CPVL: variants seen among roughly 807,000 people sequenced by gnomAD.
CPVL encodes the protein carboxypeptidase vitellogenic like.
CPVL carries 51 observed loss-of-function variants against 63.7 expected under a neutral mutation model. That is an observed-to-expected ratio of 0.80 (90% CI 0.64 to 1.01). CPVL has a LOEUF of 1.01. CPVL is among the 50% of genes least tolerant of loss of function. The pLI is 0.00. For missense variants in CPVL, 530 were observed against 573.1 expected, an observed-to-expected ratio of 0.92 and a Z score of 0.77; for synonymous variants, 195 against 206.0, an observed-to-expected ratio of 0.95 and a Z score of 0.46.
chr7:29,151,742 G>A (rs1207484468), intron 5 of CPVL, among the ~76,000 whole-genome samples: 1 of 152,198 alleles, frequency 6.6e-6, no homozygotes, highest in African/African-American at 2.4e-5. Context: ...CTCATTAGCT[G>A]TGTGACCTTT....
chr7:29,096,970 G>GTCT (rs1235285585), intron 3 of CPVL, among the ~76,000 whole-genome samples: 5 of 128,478 alleles, frequency 3.9e-5, no homozygotes, highest in Non-Finnish European at 6.2e-5. Flanking sequence ...GGGTGACAGA[G>GTCT]CGAGACTCTG....
intron 6 of CPVL, among the ~76,000 whole-genome samples, chr7:29,092,346 A>G (rs1163912721): frequency 6.6e-6 from 1 of 152,200 alleles, no homozygotes. Context: ...ACAAACAAAT[A>G]TCTGAAAAGA....
chr7:29,146,632 C>G, upstream of CPVL: 1 of 1,550,590 alleles, frequency 6.4e-7, no homozygotes, highest in South Asian at 1.2e-5. Flanking sequence ...TCCCAACCTC[C>G]TGGTCCCAGA....
intron 11 of CPVL, among the ~76,000 whole-genome samples, chr7:29,038,277 G>C (rs1405296968): frequency 6.6e-6 from 1 of 152,136 alleles, no homozygotes; most frequent in East Asian, 1.9e-4. Context: ...TAAGAGCAGA[G>C]CCCTCATGAA....
intron 1 of CPVL, among the ~76,000 whole-genome samples, chr7:29,131,715 G>A (rs929125918): frequency 3.9e-5 from 6 of 152,170 alleles, no homozygotes; most frequent in Admixed American, 3.9e-4. Flanking sequence ...ATTTTGCCAT[G>A]TTGGCCAGGC....
intron 12 of CPVL, among the ~76,000 whole-genome samples, chr7:29,024,526 G>A (rs1222659147): frequency 2.0e-5 from 3 of 152,178 alleles, no homozygotes; most frequent in Non-Finnish European, 4.4e-5. Flanking sequence ...ATCCAAAAAT[G>A]TCTTCTCCAG....
intron 3 of CPVL, chr7:29,185,418 G>A (rs367850864): frequency 2.6e-5 from 4 of 152,152 alleles, no homozygotes; most frequent in Non-Finnish European, 5.9e-5. Context: ...CATGATGTCT[G>A]TGGTTACACG....
At chr7:29,088,052 G>A (rs963132818) in intron 6 of CPVL, among the ~76,000 whole-genome samples, 2 of 152,114 alleles carry the variant, frequency 1.3e-5, no homozygotes, top group African/African-American at 4.8e-5. Context: ...CCTGCTTGTT[G>A]GAATGGCAGG....
At chr7:29,074,067 T>C (rs1449761663) in intron 7 of CPVL, among the ~76,000 whole-genome samples, 1 of 152,138 alleles carries the variant, frequency 6.6e-6, no homozygotes, top group Non-Finnish European at 1.5e-5. Context: ...CTGAAGATAA[T>C]CATTACTCCC....
intron 5 of CPVL, among the ~76,000 whole-genome samples, chr7:29,093,526 C>T (rs1315121837): frequency 2.6e-5 from 4 of 151,998 alleles, no homozygotes. Flanking sequence ...ATTTCATCTT[C>T]AGTAGGTAAG....
intron 1 of CPVL, chr7:29,194,990 G>A (rs1228903055): frequency 1.3e-6 from 2 of 1,586,462 alleles, no homozygotes; most frequent in Non-Finnish European, 1.7e-6. Context: ...GGTGTCCTCC[G>A]GTGAGTTTCA....
chr7:29,145,481 G>T (rs1792433071), intron 1 of CPVL, among the ~76,000 whole-genome samples: 1 of 150,324 alleles, frequency 6.7e-6, no homozygotes, highest in Non-Finnish European at 1.5e-5. Flanking sequence ...TGGGGTTGCA[G>T]TGAAGGTGGG....
intron 10 of CPVL, among the ~76,000 whole-genome samples, chr7:29,064,929 TA>T (rs200056425): frequency 2.4e-5 from 1 of 42,026 alleles, no homozygotes; most frequent in African/African-American, 8.8e-5. Flanking sequence ...AATTAAAAAA[TA>T]AAAAAAACCG....
intron 3 of CPVL, 65 bp from the exon 4 acceptor site, chr7:29,096,282 A>C: frequency 7.6e-7 from 1 of 1,307,948 alleles, no homozygotes; most frequent in South Asian, 1.2e-5. Flanking sequence ...AACACACACA[A>C]GCAAACTTAC....
rs779929901 is a variant in CPVL at position 29,095,075 on chromosome 7, C to T, written c.462+9G>A. The T allele has an allele frequency of 8.1e-6, 13 of 1,611,408 alleles. No homozygotes were observed. The highest frequency in any genetic ancestry group is 1.6e-4 in the Middle Eastern group (1 of 6,080). On this transcript the variant is annotated intron_variant, in intron 5 of 12. Coordinates refer to ENST00000265394, the MANE Select transcript of CPVL (RefSeq NM_031311.5). Reference sequence around the variant, plus strand: ...GCACTGACAGCTCACAGGGTCATCCCGGACTTACTGGATTGTCAATGTAAA... The same window carrying T: ...GCACTGACAGCTCACAGGGTCATCCTGGACTTACTGGATTGTCAATGTAAA...
intron 1 of CPVL, chr7:29,192,286 A>AC (rs1287237091): frequency 2.0e-5 from 3 of 152,006 alleles, no homozygotes; most frequent in East Asian, 1.9e-4. Flanking sequence ...CACAGCAAAT[A>AC]CCCCCGTCCC....
chr7:29,116,165 C>G (rs900657171), intron 2 of CPVL, among the ~76,000 whole-genome samples: 3 of 152,186 alleles, frequency 2.0e-5, no homozygotes, highest in African/African-American at 7.2e-5. Context: ...GCCCTACTGA[C>G]AAGGCACCAA....
At chr7:29,119,410 G>T (rs753860296) in intron 2 of CPVL, among the ~76,000 whole-genome samples, 1 of 149,872 alleles carries the variant, frequency 6.7e-6, no homozygotes, top group Non-Finnish European at 1.5e-5. Context: ...TCGCTTGAAC[G>T]CAGGAGGTGC....
chr7:29,068,481 T>C (rs1783362541), intron 9 of CPVL, among the ~76,000 whole-genome samples: 1 of 152,054 alleles, frequency 6.6e-6, no homozygotes, highest in Non-Finnish European at 1.5e-5. Context: ...CCACATCTGG[T>C]TGTGCAGCTC....
Sources: allele counts gnomAD v4.1 joint callset (sites outside exome capture counted in the v4.1 genomes callset), GRCh38; gene constraint gnomAD v4.1.1; transcripts MANE v1.5; gene names NCBI Gene and HGNC (gene_info 2026-07-23, HGNC 2026-07-21).